FER: variants seen among roughly 807,000 people sequenced by gnomAD.
FER encodes the protein FER tyrosine kinase.
Under a neutral mutation model 111.0 loss-of-function variants are expected in FER, and 63 were observed. The observed-to-expected ratio is 0.57, with a 90% confidence interval of 0.46 to 0.70. FER has a LOEUF of 0.70. FER is among the 30% of genes least tolerant of loss of function. FER has a pLI of 0.00. For missense variants in FER, 914 were observed against 954.0 expected, an observed-to-expected ratio of 0.96 and a Z score of 0.55; for synonymous variants, 327 against 313.9, an observed-to-expected ratio of 1.04 and a Z score of -0.44.
chr5:108,989,930 C>T (rs1762977167), intron 13 of FER, among the ~76,000 whole-genome samples: 1 of 151,862 alleles, frequency 6.6e-6, no homozygotes, highest in East Asian at 1.9e-4. Flanking sequence ...TTATTGTAAG[C>T]AGTCACATTT....
intron 3 of FER, among the ~76,000 whole-genome samples, chr5:108,818,827 C>T (rs9326748): frequency 0.42 from 64,110 of 151,928 alleles, 15,136 homozygotes; most frequent in African/African-American, 0.64. Context: ...AGTGACTCAC[C>T]AATCTTGCCC....
At chr5:109,018,733 TC>T (rs1767524334) in intron 13 of FER, among the ~76,000 whole-genome samples, 1 of 151,762 alleles carries the variant, frequency 6.6e-6, no homozygotes, top group African/African-American at 2.4e-5. Flanking sequence ...AATAATTATT[TC>T]CCACAACATT....
chr5:109,142,543 T>G (rs1462245256), intron 17 of FER, among the ~76,000 whole-genome samples: 1 of 152,112 alleles, frequency 6.6e-6, no homozygotes, highest in East Asian at 1.9e-4. Flanking sequence ...AAGAAAGGCA[T>G]ACTTTTGAGG....
intron 16 of FER, among the ~76,000 whole-genome samples, chr5:109,099,098 T>G (rs1260229972): frequency 3.3e-5 from 5 of 151,666 alleles, no homozygotes; most frequent in East Asian, 1.9e-4. Context: ...AAATTCTGGC[T>G]TAATATCTGG....
intron 2 of FER, among the ~76,000 whole-genome samples, chr5:108,769,331 G>A (rs1752650033): frequency 6.6e-6 from 1 of 152,098 alleles, no homozygotes; most frequent in Non-Finnish European, 1.5e-5. Flanking sequence ...ATTCTCATTA[G>A]AAGGAATATG....
At chr5:108,803,704 T>C (rs1405286504) in intron 3 of FER, among the ~76,000 whole-genome samples, 1 of 152,172 alleles carries the variant, frequency 6.6e-6, no homozygotes, top group Non-Finnish European at 1.5e-5. Flanking sequence ...TGTCTTTTTT[T>C]GTACCACTAC....
intron 10 of FER, among the ~76,000 whole-genome samples, chr5:108,898,178 T>C (rs1749427502): frequency 6.6e-6 from 1 of 152,176 alleles, no homozygotes; most frequent in African/African-American, 2.4e-5. Context: ...AGAAGAAAGC[T>C]ATTTATTGAT....
chr5:109,143,183 G>T (rs1753707310), intron 17 of FER, among the ~76,000 whole-genome samples: 1 of 152,080 alleles, frequency 6.6e-6, no homozygotes, highest in African/African-American at 2.4e-5. Context: ...GTCAGCATTT[G>T]CAGCAATCTT....
intron 2 of FER, among the ~76,000 whole-genome samples, chr5:108,792,996 G>A (rs574835756): frequency 1.0e-3 from 155 of 152,206 alleles, no homozygotes; most frequent in African/African-American, 3.6e-3. Flanking sequence ...ATCACCTCAA[G>A]CATTTATCCT....
At chr5:108,935,235 G>A (rs555427273) in intron 10 of FER, among the ~76,000 whole-genome samples, 2 of 152,216 alleles carry the variant, frequency 1.3e-5, no homozygotes, top group African/African-American at 4.8e-5. Flanking sequence ...TGCCAGGGTT[G>A]ATTCCTTCAG....
At chr5:108,845,022 A>G (rs984230812) in intron 5 of FER, among the ~76,000 whole-genome samples, 143 of 52,196 alleles carry the variant, frequency 2.7e-3, no homozygotes, top group African/African-American at 7.8e-3. Context: ...ATATATATAT[A>G]TATATATATA....
chr5:108,847,804 C>T (rs1405228656), intron 5 of FER, among the ~76,000 whole-genome samples: 1 of 151,974 alleles, frequency 6.6e-6, no homozygotes, highest in Non-Finnish European at 1.5e-5. Context: ...GTTATTCATT[C>T]CGTTTGATAT....
rs139850516 is a variant in FER at position 109,151,850 on chromosome 5, C to G, written c.2049-28897C>G. Among the ~76,000 whole-genome samples, 2 of 152,200 alleles carry G rather than the reference C, an allele frequency of 1.3e-5. 1 individual carries two copies. The highest frequency in any genetic ancestry group is 3.9e-4 in the East Asian group (2 of 5,190). ...TTGAAAAAGGTTTTCCAAATTCTGTCTCATAACTCGCAAAATCAGAAAGCA... is the reference window on the plus strand; with the variant it reads ...TTGAAAAAGGTTTTCCAAATTCTGTGTCATAACTCGCAAAATCAGAAAGCA... On this transcript the variant is annotated intron_variant, in intron 17 of 19. Transcript: ENST00000281092.
At chr5:108,769,157 G>C (rs1181750782) in intron 2 of FER, among the ~76,000 whole-genome samples, 1 of 152,094 alleles carries the variant, frequency 6.6e-6, no homozygotes, top group African/African-American at 2.4e-5. Flanking sequence ...GAAAGCAAAA[G>C]AACAGATAAT....
chr5:109,061,899 C>T (rs867781389), intron 16 of FER, among the ~76,000 whole-genome samples: 1 of 152,030 alleles, frequency 6.6e-6, no homozygotes, highest in African/African-American at 2.4e-5. Context: ...AATCATAAAT[C>T]CAAAATATGT....
rs546605752 is a variant in FER, at chr5:109,172,377, C to T, written c.2049-8370C>T. ...GAAATCATCATTGTCAGTAAACTAT[C>T]GCAAGGACAAAAGACCAAACACTGC... On this transcript the variant is annotated intron_variant, in intron 17 of 19. Coordinates refer to ENST00000281092, the MANE Select transcript of FER (RefSeq NM_005246.4). Among the ~76,000 whole-genome samples the T allele has an allele frequency of 4.7e-5, 7 of 150,294 alleles. No individual in the cohort carries two copies. The South Asian group carries it at 8.4e-4, about 18-fold the overall frequency.
In FER at chr5:109,053,157, G is replaced by T. The variant is rs1773082883; in HGVS notation, c.1924+5959G>T. Among the ~76,000 whole-genome samples the T allele has an allele frequency of 1.3e-5, 2 of 152,094 alleles. 1 individual carries two copies. Among genetic ancestry groups the T allele is most frequent in the South Asian group, 4.1e-4 (2 of 4,824 alleles). On this transcript the variant is annotated intron_variant, in intron 16 of 19. Coordinates refer to ENST00000281092, the MANE Select transcript of FER (RefSeq NM_005246.4). Reference sequence around the variant, plus strand: ...ATCCTATCACTTTGGAGGCCAGGGTGGGTGGATCATGAGGTCAGGCATTCG... The same window carrying T: ...ATCCTATCACTTTGGAGGCCAGGGTTGGTGGATCATGAGGTCAGGCATTCG...
chr5:109,027,657 G>A (rs896667713), intron 13 of FER, among the ~76,000 whole-genome samples: 3 of 152,036 alleles, frequency 2.0e-5, no homozygotes, highest in Non-Finnish European at 4.4e-5. Context: ...ATTTGGCAGC[G>A]GTTGATTGAC....
chr5:108,780,123 G>A (rs1753894811), intron 2 of FER, among the ~76,000 whole-genome samples: 2 of 152,112 alleles, frequency 1.3e-5, no homozygotes, highest in African/African-American at 4.8e-5. Context: ...ATGCTTATGT[G>A]TTAGATCAAT....
Sources: gnomAD v4.1 joint callset for allele counts (sites outside exome capture counted in the v4.1 genomes callset) on GRCh38, gnomAD v4.1.1 for gene constraint, MANE v1.5 for transcripts, NCBI Gene and HGNC (gene_info 2026-07-23, HGNC 2026-07-21) for gene names.